The following PPP4R2 variants were observed in gnomAD, a reference collection of about 807,000 sequenced individuals.
PPP4R2 encodes the protein protein phosphatase 4 regulatory subunit 2.
In PPP4R2, 13 loss-of-function variants were observed where a neutral mutation model predicts 47.2. That is an observed-to-expected ratio of 0.28 (90% CI 0.18 to 0.44). The LOEUF is 0.44. PPP4R2 is among the 20% of genes least tolerant of loss of function. The pLI is 1.00. For synonymous variants in PPP4R2, 151 were observed against 163.3 expected (o/e 0.92, Z 0.57); for missense variants, 421 against 491.2 (o/e 0.86, Z 1.35).
chr3:73,014,843 CATTT>C, intron 2 of PPP4R2: 1 of 438,200 alleles, frequency 2.3e-6, no homozygotes, highest in South Asian at 6.0e-5. Flanking sequence ...ATTGCTTTAT[CATTT>C]ATTAGTTGGA....
intron 2 of PPP4R2, among the ~76,000 whole-genome samples, chr3:73,039,119 T>TA (rs1486408449): frequency 6.6e-6 from 1 of 152,216 alleles, no homozygotes; most frequent in Non-Finnish European, 1.5e-5. Flanking sequence ...TTCATTTATA[T>TA]AAAAAACAAT....
intron 2 of PPP4R2, chr3:73,014,909 G>T (rs897730569): frequency 1.5e-6 from 1 of 669,844 alleles, no homozygotes; most frequent in Non-Finnish European, 2.7e-6. Flanking sequence ...TTGCTGTGTT[G>T]CCCAGGCTGG....
chr3:73,062,186 C>T (rs1168249584), intron 5 of PPP4R2: 4 of 1,562,740 alleles, frequency 2.6e-6, no homozygotes, highest in African/African-American at 1.4e-5. Context: ...TGATTCTTAA[C>T]AAAATTAAAG....
At chr3:73,035,769 G>A (rs1702250563) in intron 2 of PPP4R2, among the ~76,000 whole-genome samples, 4 of 152,006 alleles carry the variant, frequency 2.6e-5, no homozygotes, top group Admixed American at 2.6e-4. Context: ...GGGACTACAG[G>A]CACACACCAC....
chr3:73,050,813 A>AT (rs1336571045), intron 3 of PPP4R2, among the ~76,000 whole-genome samples: 6 of 152,204 alleles, frequency 3.9e-5, no homozygotes, highest in Non-Finnish European at 7.4e-5. Context: ...GTAGGCATTT[A>AT]TTTTTTTGGC....
intron 2 of PPP4R2, among the ~76,000 whole-genome samples, chr3:73,032,737 C>G (rs919115589): frequency 1.3e-5 from 2 of 152,198 alleles, no homozygotes; most frequent in African/African-American, 4.8e-5. Context: ...AGCATGCACA[C>G]AAACTTCCCA....
intron 3 of PPP4R2, among the ~76,000 whole-genome samples, chr3:73,055,666 G>A (rs1031029413): frequency 1.8e-5 from 2 of 108,408 alleles, no homozygotes; most frequent in Admixed American, 8.5e-5. Context: ...TAAACCAAAC[G>A]CTTTTTTTTT....
intron 2 of PPP4R2, among the ~76,000 whole-genome samples, chr3:73,010,564 C>T (rs1376845245): frequency 5.4e-5 from 8 of 147,812 alleles, no homozygotes; most frequent in South Asian, 2.1e-4. Flanking sequence ...CTCTCGCTCT[C>T]TTTTTTTTTT....
intron 2 of PPP4R2, among the ~76,000 whole-genome samples, chr3:73,013,384 C>G (rs1701762386): frequency 6.6e-6 from 1 of 152,098 alleles, no homozygotes; most frequent in Admixed American, 6.5e-5. Context: ...ATGGATCACA[C>G]AAATTAGGTA....
intron 2 of PPP4R2, among the ~76,000 whole-genome samples, chr3:73,013,804 A>C (rs1441922568): frequency 1.3e-5 from 2 of 152,012 alleles, no homozygotes; most frequent in African/African-American, 4.8e-5. Context: ...GTGCCCAGCT[A>C]ATTTTTTTGT....
chr3:73,062,161 G>C, intron 5 of PPP4R2: 1 of 1,549,912 alleles, frequency 6.5e-7, no homozygotes, highest in East Asian at 2.4e-5. Flanking sequence ...TCTTACAAAA[G>C]ATCTTTTAGA....
chr3:73,066,239 C>CATATATATATATATATATAT lies in PPP4R2; in HGVS notation c.*521_*540dup, dbSNP rs148662984. 180 of 134,068 alleles carry CATATATATATATATATATAT rather than the reference C, an allele frequency of 1.3e-3. No individual in the cohort carries two copies. The highest frequency in any genetic ancestry group is 2.1e-3 in the Non-Finnish European group (130 of 62,742). The allele number at this position is 134,068 out of a possible 1,614,324, so 8.3% of individuals were successfully genotyped here. A position where few individuals can be genotyped will look rare whatever the true frequency, so the allele number is the denominator to read the frequency against. On this transcript the variant is annotated 3_prime_UTR_variant, in exon 9 of 9. Transcript: ENST00000356692. ...TGGAACTTTAAGTCATATATACATA[C>CATATATATATATATATATAT]ATATATATATATATATATATATAAT...
intron 2 of PPP4R2, among the ~76,000 whole-genome samples, chr3:73,012,661 C>T (rs1366372895): frequency 1.3e-5 from 2 of 152,154 alleles, no homozygotes; most frequent in South Asian, 2.1e-4. Flanking sequence ...CTCGTAGATA[C>T]AGAGGGCGCA....
At position 73,050,843 on chromosome 3, in the gene PPP4R2, T is replaced by G. The variant is rs73838453; in HGVS notation, c.287+3487T>G. Among the ~76,000 whole-genome samples, 1,439 of 152,348 alleles carry G rather than the reference T, an allele frequency of 9.4e-3. 30 individuals carry two copies. The highest frequency in any genetic ancestry group is 0.032 in the African/African-American group (1,334 of 41,586). ...TTTGGCTGTTAACAAGCAGTGCTTG[T>G]AGTGAGCATCCTTCCACGTATCTTT... On this transcript the variant is annotated intron_variant, in intron 3 of 8. Coordinates refer to ENST00000356692, the MANE Select transcript of PPP4R2 (RefSeq NM_174907.4).
At chr3:73,019,153 C>A (rs1161318417) in intron 2 of PPP4R2, among the ~76,000 whole-genome samples, 2 of 152,086 alleles carry the variant, frequency 1.3e-5, no homozygotes, top group East Asian at 1.9e-4. Context: ...CGAATACTTA[C>A]CATTACAGGT....
chr3:73,034,154 T>G (rs1478838566), intron 2 of PPP4R2, among the ~76,000 whole-genome samples: 1 of 152,214 alleles, frequency 6.6e-6, no homozygotes, highest in Non-Finnish European at 1.5e-5. Flanking sequence ...ATTTTTTTCT[T>G]TTTAAACTGG....
In PPP4R2 at chr3:73,051,992, T is replaced by C. The variant is rs552732233; in HGVS notation, c.287+4636T>C. On this transcript the variant is annotated intron_variant, in intron 3 of 8. Coordinates refer to ENST00000356692, the MANE Select transcript of PPP4R2 (RefSeq NM_174907.4). ...CACTTGTTTACTTGATTTCCTGAAC[T>C]ATAAGCTTCTGGAGAGCTGGGGTAA... Among the ~76,000 whole-genome samples the C allele has an allele frequency of 2.0e-5, 3 of 152,230 alleles. No homozygotes were observed. The South Asian group carries it at 6.2e-4, about 32-fold the overall frequency.
At chr3:73,006,743 A>G (rs1013826139) in intron 2 of PPP4R2, among the ~76,000 whole-genome samples, 1 of 151,926 alleles carries the variant, frequency 6.6e-6, no homozygotes, top group Admixed American at 6.6e-5. Context: ...CAGTCTATTC[A>G]CTCATTGCTA....
intron 2 of PPP4R2, among the ~76,000 whole-genome samples, chr3:73,010,136 C>T (rs1014747237): frequency 3.9e-5 from 6 of 152,168 alleles, no homozygotes; most frequent in Non-Finnish European, 8.8e-5. Context: ...AGTAATAATG[C>T]CCTTAGTGGT....
Sources: allele counts gnomAD v4.1 joint callset (sites outside exome capture counted in the v4.1 genomes callset), GRCh38; gene constraint gnomAD v4.1.1; transcripts MANE v1.5; gene names NCBI Gene and HGNC (gene_info 2026-07-23, HGNC 2026-07-21).